The following ANK2 variants were observed in gnomAD, a reference collection of about 807,000 sequenced individuals.
ANK2 encodes ankyrin-2.
In ANK2, 83 loss-of-function variants were observed where a neutral mutation model predicts 360.5. That is an observed-to-expected ratio of 0.23 (90% CI 0.19 to 0.28). The LOEUF is 0.28. ANK2 is among the 10% of genes least tolerant of loss of function. The pLI, the probability that ANK2 is intolerant of heterozygous loss-of-function variation, is 1.00. For synonymous variants in ANK2, 1,740 were observed against 1,759.5 expected (o/e 0.99, Z 0.28); for missense variants, 4,201 against 4,795.7 (o/e 0.88, Z 3.66).
the ANK2 span, among the ~76,000 whole-genome samples, chr4:112,739,913 T>C: frequency 6.6e-6 from 1 of 152,204 alleles, no homozygotes; most frequent in African/African-American, 2.4e-5. Context: ...ATAGGATCTC[T>C]TGAGCCTGGG....
At chr4:113,115,907 A>T (rs572710166) in intron 1 of ANK2, among the ~76,000 whole-genome samples, 1 of 152,284 alleles carries the variant, frequency 6.6e-6, no homozygotes, top group East Asian at 1.9e-4. Context: ...CTTCTCCTAA[A>T]ATGCAACAGT....
chr4:113,222,044 A>C (rs2099157821), intron 4 of ANK2, among the ~76,000 whole-genome samples: 1 of 152,214 alleles, frequency 6.6e-6, no homozygotes, highest in African/African-American at 2.4e-5. Context: ...AGTAATGTGA[A>C]ACTTCAGGCA....
chr4:113,285,088 C>CT (rs1563423534), intron 18 of ANK2, among the ~76,000 whole-genome samples: 1 of 151,818 alleles, frequency 6.6e-6, no homozygotes, highest in Non-Finnish European at 1.5e-5. Context: ...AAATAAATTA[C>CT]TTTTTTTGAA....
chr4:113,381,038 A>T (rs184743141), intron 45 of ANK2, among the ~76,000 whole-genome samples: 3 of 152,348 alleles, frequency 2.0e-5, no homozygotes, highest in South Asian at 4.1e-4. Flanking sequence ...GGTGTTTCAA[A>T]TAAATTAAAA....
At chr4:112,754,543 C>T in the ANK2 span, among the ~76,000 whole-genome samples, 1 of 148,236 alleles carries the variant, frequency 6.7e-6, no homozygotes, top group East Asian at 2.0e-4. Flanking sequence ...ATGTTAAAAA[C>T]TTTTAATGAG....
chr4:113,209,519 G>A lies in ANK2; in HGVS notation c.384+10410G>A, dbSNP rs552758537. 3.9e-5 allele frequency among the ~76,000 whole-genome samples: 6 copies of A among 151,984 alleles called. No homozygotes were observed. In the South Asian group the frequency reaches 8.3e-4, roughly 21 times the overall value. ...TATCGAACCAAACTGGGGCCCACTC[G>A]CCCTGTATAGCAATACCAGATATCC... On this transcript the variant is annotated intron_variant, in intron 4 of 45. Coordinates refer to ENST00000357077, the MANE Select transcript of ANK2 (RefSeq NM_001148.6).
At chr4:112,815,545 ACT>A (rs1357982361), upstream of ANK2, among the ~76,000 whole-genome samples, 5 of 151,882 alleles carry the variant, frequency 3.3e-5, no homozygotes, top group Admixed American at 1.3e-4. Flanking sequence ...TAATGAGGTG[ACT>A]CTTGGTGGGG....
chr4:112,861,800 A>G (rs2068103002), intron 1 of ANK2, among the ~76,000 whole-genome samples: 1 of 151,886 alleles, frequency 6.6e-6, no homozygotes, highest in Non-Finnish European at 1.5e-5. Context: ...CTTTGTTGAA[A>G]ACAAACAGGC....
chr4:113,230,905 G>A (rs1261721046), intron 4 of ANK2, among the ~76,000 whole-genome samples: 6 of 152,166 alleles, frequency 3.9e-5, no homozygotes, highest in Non-Finnish European at 7.3e-5. Context: ...ACCAGTGGCT[G>A]TATTTTAGTA....
intron 2 of ANK2, among the ~76,000 whole-genome samples, chr4:112,950,368 G>A (rs992900112): frequency 3.9e-5 from 6 of 152,218 alleles, no homozygotes; most frequent in African/African-American, 1.4e-4. Context: ...AGTAAGGCTG[G>A]GTGCGGTGGC....
chr4:112,707,851 C>T, the ANK2 span, among the ~76,000 whole-genome samples: 3 of 152,308 alleles, frequency 2.0e-5, no homozygotes, highest in South Asian at 6.2e-4. Context: ...GCAGACTAGA[C>T]ACCCTATTTA....
intron 24 of ANK2, among the ~76,000 whole-genome samples, chr4:113,314,457 C>A (rs1161324476): frequency 6.6e-6 from 1 of 152,116 alleles, no homozygotes; most frequent in Non-Finnish European, 1.5e-5. Context: ...TAAACTAAGA[C>A]CATAACAAAA....
chr4:113,251,150 A>G (rs1043823067), intron 10 of ANK2, among the ~76,000 whole-genome samples: 4 of 152,204 alleles, frequency 2.6e-5, no homozygotes, highest in Admixed American at 2.6e-4. Flanking sequence ...CAGACCAATC[A>G]TGTTACAGCC....
chr4:113,042,608 T>C (rs1044571515), intron 2 of ANK2, among the ~76,000 whole-genome samples: 20 of 152,148 alleles, frequency 1.3e-4, no homozygotes, highest in African/African-American at 4.8e-4. Context: ...TGAGAGTCTA[T>C]GGACAAACAT....
chr4:112,950,084 C>T (rs1337367031), intron 2 of ANK2, among the ~76,000 whole-genome samples: 2 of 152,060 alleles, frequency 1.3e-5, no homozygotes, highest in African/African-American at 4.8e-5. Context: ...TTTTGTAAAC[C>T]TGATTCCTTT....
intron 18 of ANK2, among the ~76,000 whole-genome samples, chr4:113,285,200 C>G (rs2063939055): frequency 6.6e-6 from 1 of 151,824 alleles, no homozygotes; most frequent in Admixed American, 6.6e-5. Flanking sequence ...TCACACCTAC[C>G]ACACAACAAT....
chr4:113,264,635 T>C (rs2054873213), intron 13 of ANK2, among the ~76,000 whole-genome samples: 1 of 151,660 alleles, frequency 6.6e-6, no homozygotes, highest in Non-Finnish European at 1.5e-5. Flanking sequence ...GGCAAGAGAA[T>C]CGCTTGAACC....
intron 4 of ANK2, among the ~76,000 whole-genome samples, chr4:113,203,365 T>G (rs1161288978): frequency 6.6e-6 from 1 of 152,162 alleles, no homozygotes; most frequent in Non-Finnish European, 1.5e-5. Context: ...CTCAAAATCA[T>G]GAGTTTCTTT....
intron 41 of ANK2, 118 bp from the exon 42 acceptor site, chr4:113,367,446 ATC>A: frequency 2.2e-6 from 2 of 916,656 alleles, no homozygotes; most frequent in Non-Finnish European, 1.7e-6. Flanking sequence ...CCATGGGCCC[ATC>A]TCAGGATGTA....
Sources: allele counts gnomAD v4.1 joint callset (sites outside exome capture counted in the v4.1 genomes callset), GRCh38; gene constraint gnomAD v4.1.1; transcripts MANE v1.5; gene names NCBI Gene and HGNC (gene_info 2026-07-23, HGNC 2026-07-21).